The following THEMIS variants were observed in gnomAD, a reference collection of about 807,000 sequenced individuals.
THEMIS encodes thymocyte selection associated.
THEMIS carries 37 observed loss-of-function variants against 52.6 expected under a neutral mutation model. That is an observed-to-expected ratio of 0.70 (90% CI 0.54 to 0.93). THEMIS has a LOEUF of 0.93. Among genes scored for constraint, THEMIS ranks in the 40% least tolerant of loss-of-function variants. The pLI is 0.00. For missense variants in THEMIS, 808 were observed against 763.1 expected (o/e 1.06, Z -0.69); for synonymous variants, 292 against 272.7 (o/e 1.07, Z -0.70).
chr6:127,704,148 G>A (rs1335510472), downstream of THEMIS, among the ~76,000 whole-genome samples: 1 of 152,156 alleles, frequency 6.6e-6, no homozygotes, highest in African/African-American at 2.4e-5. Flanking sequence ...GGAAGACACC[G>A]ACATTTAGAC....
intron 1 of THEMIS, among the ~76,000 whole-genome samples, chr6:127,866,765 G>T (rs1583372713): frequency 6.6e-6 from 1 of 151,676 alleles, no homozygotes; most frequent in East Asian, 1.9e-4. Flanking sequence ...ATTATCAAAA[G>T]ATATACACAC....
chr6:127,776,241 C>T (rs1776561312), intron 4 of THEMIS, among the ~76,000 whole-genome samples: 1 of 152,204 alleles, frequency 6.6e-6, no homozygotes, highest in Non-Finnish European at 1.5e-5. Flanking sequence ...CACCTGTAAT[C>T]ACTGGCTCCT....
chr6:127,900,866 T>C lies in THEMIS; in HGVS notation c.67A>G (p.Ile23Val). Residue 23 changes from isoleucine (I) to valine (V), a missense_variant, in exon 1 of 6, where the codon ATC (isoleucine) becomes GTC (valine). Ile to Val is a conservative substitution (Grantham distance 29). Transcript: ENST00000368248. ...DLRTLPRVLE[I>V]QAGIYLEGSI... ...CCTTCAAGATAGATGCCTGCCTGGA[T>C]TTCTAGAACCCTGGGTAGGGTCCTG... The C allele has an allele frequency of 6.2e-7, 1 of 1,613,108 alleles. No homozygotes were observed. The highest frequency in any genetic ancestry group is 8.5e-7 in the Non-Finnish European group (1 of 1,179,384).
intron 1 of THEMIS, among the ~76,000 whole-genome samples, chr6:127,897,960 T>G (rs1781021763): frequency 6.6e-6 from 1 of 151,742 alleles, no homozygotes. Context: ...GAATGAACTA[T>G]ATATAAAACA....
intron 2 of THEMIS, among the ~76,000 whole-genome samples, chr6:127,837,369 AG>A (rs1304237724): frequency 6.6e-6 from 1 of 152,092 alleles, no homozygotes; most frequent in Non-Finnish European, 1.5e-5. Flanking sequence ...AATAATAATG[AG>A]AAAAACAATA....
chr6:127,794,613 T>G (rs1777266125), intron 4 of THEMIS, among the ~76,000 whole-genome samples: 1 of 152,190 alleles, frequency 6.6e-6, no homozygotes, highest in Non-Finnish European at 1.5e-5. Context: ...CTTGAACACA[T>G]TAGACACAGT....
chr6:127,798,064 A>G (rs1282765717), intron 4 of THEMIS, among the ~76,000 whole-genome samples: 1 of 152,242 alleles, frequency 6.6e-6, no homozygotes, highest in Admixed American at 6.5e-5. Flanking sequence ...TTTATCACAG[A>G]CACAGATGAA....
At chr6:127,834,718 T>A (rs1021865545) in intron 2 of THEMIS, among the ~76,000 whole-genome samples, 2 of 152,208 alleles carry the variant, frequency 1.3e-5, no homozygotes, top group Non-Finnish European at 2.9e-5. Context: ...TTTACCTCTT[T>A]GGTTCAACCA....
At chr6:127,864,985 G>A (rs1583370524) in intron 1 of THEMIS, among the ~76,000 whole-genome samples, 1 of 152,148 alleles carries the variant, frequency 6.6e-6, no homozygotes, top group South Asian at 2.1e-4. Flanking sequence ...CACATGGACA[G>A]GGCATCATTC....
At chr6:127,902,786 T>C (rs375061434), upstream of THEMIS, among the ~76,000 whole-genome samples, 27 of 152,060 alleles carry the variant, frequency 1.8e-4, no homozygotes, top group Admixed American at 8.5e-4. Context: ...TAGTAGTGTA[T>C]TTCATGTGGA....
intron 1 of THEMIS, among the ~76,000 whole-genome samples, chr6:127,866,097 A>G (rs751592773): frequency 3.9e-5 from 6 of 152,004 alleles, no homozygotes; most frequent in Non-Finnish European, 5.9e-5. Context: ...CACACTCCTT[A>G]TATTTGTAAA....
At chr6:127,710,172 A>C (rs1005435632) in intron 5 of THEMIS, among the ~76,000 whole-genome samples, 156 bp from the exon 6 acceptor site, 2 of 151,904 alleles carry the variant, frequency 1.3e-5, no homozygotes, top group African/African-American at 4.8e-5. Context: ...TAAAGAAAAA[A>C]AAAAAAGAAA....
chr6:127,836,574 G>C (rs535892607), intron 2 of THEMIS, among the ~76,000 whole-genome samples: 66 of 152,268 alleles, frequency 4.3e-4, no homozygotes, highest in African/African-American at 1.6e-3. Flanking sequence ...AGTATTAAAT[G>C]AATGTCAGGG....
At chr6:127,801,206 G>T (rs545336796) in intron 4 of THEMIS, among the ~76,000 whole-genome samples, 7 of 152,266 alleles carry the variant, frequency 4.6e-5, no homozygotes, top group African/African-American at 1.4e-4. Context: ...GAGAACCAAG[G>T]AACCTTTGAC....
chr6:127,814,211 T>C (rs1778049324), intron 3 of THEMIS, among the ~76,000 whole-genome samples: 1 of 152,214 alleles, frequency 6.6e-6, no homozygotes, highest in East Asian at 1.9e-4. Context: ...TCCTCACTTC[T>C]ACTGACGTAC....
intron 4 of THEMIS, among the ~76,000 whole-genome samples, chr6:127,721,144 G>A (rs1288616721): frequency 6.6e-6 from 1 of 151,986 alleles, no homozygotes; most frequent in Non-Finnish European, 1.5e-5. Flanking sequence ...GAGATGGGCA[G>A]AGTTAGGTCA....
At chr6:127,916,428 C>A (rs973868449) in intron 1 of THEMIS, among the ~76,000 whole-genome samples, 20 of 152,138 alleles carry the variant, frequency 1.3e-4, no homozygotes, top group African/African-American at 4.8e-4. Flanking sequence ...TGGAATTCTG[C>A]CTGGGATAAG....
intron 4 of THEMIS, among the ~76,000 whole-genome samples, chr6:127,731,863 A>ACTTTTTTTTTTTT (rs1774812831): frequency 1.0e-4 from 1 of 9,798 alleles, no homozygotes; most frequent in East Asian, 4.5e-3. Context: ...ATGCCCGGCT[A>ACTTTTTTTTTTTT]ATTTTTTTTT....
intron 5 of THEMIS, among the ~76,000 whole-genome samples, chr6:127,716,959 C>T (rs1270223951): frequency 6.6e-6 from 1 of 151,870 alleles, no homozygotes; most frequent in Non-Finnish European, 1.5e-5. Context: ...TTCACAAAGG[C>T]TATAACATTT....
Sources: gnomAD v4.1 joint callset for allele counts (sites outside exome capture counted in the v4.1 genomes callset) on GRCh38, gnomAD v4.1.1 for gene constraint, MANE v1.5 for transcripts, NCBI Gene and HGNC (gene_info 2026-07-23, HGNC 2026-07-21) for gene names.